Variants in PLCL2 observed in about 807,000 individuals in gnomAD.
PLCL2 encodes phospholipase C like 2.
In PLCL2, 4 loss-of-function variants were observed where a neutral mutation model predicts 79.6. The ratio of observed to expected loss-of-function variants is 0.05; its 90% CI spans 0.02 to 0.11. The LOEUF (loss-of-function observed/expected upper bound fraction) is 0.11. Among genes scored for constraint, PLCL2 ranks in the 10% least tolerant of loss-of-function variants. PLCL2 has a pLI of 1.00. For synonymous variants in PLCL2, 484 were observed against 457.7 expected, an observed-to-expected ratio of 1.06 and a Z score of -0.73; for missense variants, 895 against 1,291.0, an observed-to-expected ratio of 0.69 and a Z score of 4.70.
intron 1 of PLCL2, among the ~76,000 whole-genome samples, chr3:16,968,530 C>T (rs1335099310): frequency 6.6e-6 from 1 of 152,000 alleles, no homozygotes; most frequent in Non-Finnish European, 1.5e-5. Context: ...CTTTTTGTGG[C>T]TATTGTGAAT....
intron 1 of PLCL2, among the ~76,000 whole-genome samples, chr3:16,969,044 T>G (rs1032604509): frequency 6.6e-6 from 1 of 152,184 alleles, no homozygotes; most frequent in Non-Finnish European, 1.5e-5. Context: ...TGAATTGCAT[T>G]TACTGATTTG....
At chr3:16,989,242 C>G (rs951770448) in intron 1 of PLCL2, among the ~76,000 whole-genome samples, 1 of 152,090 alleles carries the variant, frequency 6.6e-6, no homozygotes, top group African/African-American at 2.4e-5. Flanking sequence ...TTTCTGAGTT[C>G]AATGAATATT....
intron 1 of PLCL2, among the ~76,000 whole-genome samples, chr3:16,949,349 T>TA (rs1049220618): frequency 2.0e-5 from 3 of 152,330 alleles, no homozygotes; most frequent in Non-Finnish European, 4.4e-5. Flanking sequence ...ATCTGTGGTA[T>TA]AAAAAAATAT....
intron 4 of PLCL2, among the ~76,000 whole-genome samples, chr3:17,058,059 C>T (rs892284707): frequency 5.3e-5 from 8 of 152,066 alleles, no homozygotes; most frequent in Admixed American, 6.5e-5. Context: ...TGCGCACTGC[C>T]GTAGAGCCCT....
intron 4 of PLCL2, among the ~76,000 whole-genome samples, chr3:17,053,199 G>A (rs2124930540): frequency 6.6e-6 from 1 of 152,318 alleles, no homozygotes; most frequent in African/African-American, 2.4e-5. Context: ...GGCTGTACAG[G>A]AAGCATGATG....
chr3:16,973,328 G>T (rs1234130436), intron 1 of PLCL2, among the ~76,000 whole-genome samples: 1 of 149,542 alleles, frequency 6.7e-6, no homozygotes. Context: ...CTTCTGGCTT[G>T]TAGGGTTTCT....
chr3:17,018,640 A>G (rs780799826), intron 3 of PLCL2, among the ~76,000 whole-genome samples: 3 of 152,230 alleles, frequency 2.0e-5, no homozygotes, highest in South Asian at 2.1e-4. Context: ...TGATTATATC[A>G]TACATCATGA....
rs1054721327 is a variant in PLCL2 at position 17,009,617 on chromosome 3, T to G, written c.328-57T>G. 4.5e-6 allele frequency: 4 copies of G among 897,328 alleles called. No homozygotes were observed. Among genetic ancestry groups the G allele is most frequent in the Non-Finnish European group, 3.3e-6 (2 of 601,448 alleles). 55.6% of individuals were successfully genotyped at this position (897,328 alleles called of 1,614,324 possible). Reference sequence around the variant, plus strand: ...GAAATTAAATTTCTATTCATAATCTTGAACATAGAAACCTATATTTATGTT... The same window carrying G: ...GAAATTAAATTTCTATTCATAATCTGGAACATAGAAACCTATATTTATGTT... On this transcript the variant is annotated intron_variant, in intron 1 of 5. Coordinates refer to ENST00000615277, the MANE Select transcript of PLCL2 (RefSeq NM_001144382.2). This position sits in a 1 kb window ranked among gnomAD's most constrained non-coding sequence, Gnocchi z 4.0.
chr3:17,050,187 T>A (rs1043488842), intron 4 of PLCL2, among the ~76,000 whole-genome samples: 1 of 152,112 alleles, frequency 6.6e-6, no homozygotes, highest in Non-Finnish European at 1.5e-5. Flanking sequence ...CAAATCAAAA[T>A]TTAAATCTGT....
intron 1 of PLCL2, among the ~76,000 whole-genome samples, chr3:16,899,580 T>G (rs73146921): frequency 0.018 from 2,684 of 152,270 alleles, 83 homozygotes; most frequent in African/African-American, 0.061. Flanking sequence ...CAGAAGACTG[T>G]GTTTTCTCCT....
intron 5 of PLCL2, among the ~76,000 whole-genome samples, chr3:17,085,477 T>C (rs1275782748): frequency 6.8e-6 from 1 of 146,360 alleles, no homozygotes; most frequent in Non-Finnish European, 1.5e-5. Flanking sequence ...TGAGACAGAG[T>C]GTCGCTCTTG....
intron 4 of PLCL2, among the ~76,000 whole-genome samples, chr3:17,048,424 G>C (rs1214220288): frequency 6.6e-6 from 1 of 151,946 alleles, no homozygotes; most frequent in Non-Finnish European, 1.5e-5. Context: ...TAAGAAAAAG[G>C]CCACAAATGC....
intron 3 of PLCL2, among the ~76,000 whole-genome samples, chr3:17,017,098 T>C (rs2064393492): frequency 6.6e-6 from 1 of 152,208 alleles, no homozygotes. Context: ...CTCATAGCAA[T>C]ATTCGGCTCA....
At chr3:16,958,258 G>C (rs2063724638) in intron 1 of PLCL2, among the ~76,000 whole-genome samples, 1 of 152,094 alleles carries the variant, frequency 6.6e-6, no homozygotes, top group African/African-American at 2.4e-5. Context: ...TGAAAGCCAA[G>C]CTTAGAAAAG....
chr3:16,960,467 T>C (rs2063744665), intron 1 of PLCL2, among the ~76,000 whole-genome samples: 1 of 152,256 alleles, frequency 6.6e-6, no homozygotes, highest in African/African-American at 2.4e-5. Context: ...GCTTAGCTCC[T>C]GGACCTGACT....
intron 1 of PLCL2, among the ~76,000 whole-genome samples, chr3:16,899,507 C>A (rs985534996): frequency 6.6e-6 from 1 of 152,116 alleles, no homozygotes; most frequent in Admixed American, 6.5e-5. Flanking sequence ...AGAGCTGCAA[C>A]TTGAGAGTCA....
rs534648530 is a variant in PLCL2 at position 17,062,348 on chromosome 3, C to T, written c.3095-5608C>T. Among the ~76,000 whole-genome samples, 10 of 152,332 alleles carry T rather than the reference C, an allele frequency of 6.6e-5. No homozygotes were observed. In the East Asian group the frequency reaches 1.3e-3, roughly 21 times the overall value. Reference sequence around the variant, plus strand: ...TATTCTGACTGCGAAATATATAGCACATAGCAATTGTGTCACACTTCCAAA... The same window carrying T: ...TATTCTGACTGCGAAATATATAGCATATAGCAATTGTGTCACACTTCCAAA... On this transcript the variant is annotated intron_variant, in intron 4 of 5. Transcript: ENST00000615277.
chr3:16,979,679 C>T (rs1252343478), intron 1 of PLCL2, among the ~76,000 whole-genome samples: 4 of 144,302 alleles, frequency 2.8e-5, no homozygotes, highest in Non-Finnish European at 1.5e-5. Context: ...AACAGGATCC[C>T]AAGGCAGAAG....
At chr3:16,897,829 AG>A (rs1292496010) in intron 1 of PLCL2, among the ~76,000 whole-genome samples, 3 of 152,238 alleles carry the variant, frequency 2.0e-5, no homozygotes, top group Non-Finnish European at 4.4e-5. Flanking sequence ...TGAACTCCTG[AG>A]GCATCTATAA....
Sources: allele counts gnomAD v4.1 joint callset (sites outside exome capture counted in the v4.1 genomes callset), GRCh38; gene constraint gnomAD v4.1.1; non-coding constraint Gnocchi (gnomAD v3.1); transcripts MANE v1.5; gene names NCBI Gene and HGNC (gene_info 2026-07-23, HGNC 2026-07-21).